The following TUNAR variants were observed in gnomAD, a reference collection of about 807,000 sequenced individuals.
TUNAR encodes the protein protein TUNAR.
At chr14:95,889,681 A>G (rs1889140294) in intron 2 of TUNAR, among the ~76,000 whole-genome samples, 1 of 151,738 alleles carries the variant, frequency 6.6e-6, no homozygotes, top group African/African-American at 2.4e-5. Flanking sequence ...TTAAGCAGAG[A>G]CTCATCTTCC....
chr14:95,911,380 C>G (rs975456148), intron 2 of TUNAR, among the ~76,000 whole-genome samples: 4 of 152,202 alleles, frequency 2.6e-5, no homozygotes, highest in African/African-American at 9.7e-5. Flanking sequence ...TGCCCTGGGC[C>G]CTCATCACCA....
intron 2 of TUNAR, among the ~76,000 whole-genome samples, chr14:95,880,381 C>A (rs1220587717): frequency 6.6e-6 from 1 of 152,148 alleles, no homozygotes; most frequent in African/African-American, 2.4e-5. Flanking sequence ...GAGGATGGAG[C>A]TTTGATCCAT....
At chr14:95,925,092 C>T (rs1054645726) in exon 3 of TUNAR, 2 of 152,234 alleles carry the variant, frequency 1.3e-5, no homozygotes. Context: ...TACTGTGTGC[C>T]CAGGCACTGT....
intron 2 of TUNAR, among the ~76,000 whole-genome samples, chr14:95,885,187 A>G (rs1373473004): frequency 6.6e-6 from 1 of 152,204 alleles, no homozygotes; most frequent in East Asian, 1.9e-4. Flanking sequence ...TTTGGGTCTG[A>G]CATTGCAGAT....
intron 2 of TUNAR, among the ~76,000 whole-genome samples, chr14:95,899,877 T>G (rs1488324490): frequency 2.6e-5 from 4 of 152,214 alleles, no homozygotes; most frequent in Non-Finnish European, 5.9e-5. Context: ...ATCATAGCAG[T>G]GCAAAATTAG....
At chr14:95,881,745 T>G (rs1888982616) in intron 2 of TUNAR, among the ~76,000 whole-genome samples, 1 of 152,228 alleles carries the variant, frequency 6.6e-6, no homozygotes. Flanking sequence ...GCTGTAAGTG[T>G]GCAGAGCTGG....
chr14:95,918,947 T>A (rs372532455), intron 2 of TUNAR, among the ~76,000 whole-genome samples: 1 of 152,150 alleles, frequency 6.6e-6, no homozygotes, highest in East Asian at 1.9e-4. Context: ...AAGTGCCTGC[T>A]CCATGCCCGG....
In TUNAR at chr14:95,877,119, GGCTGCGGCTCT is replaced by G. The variant is rs1888899299; in HGVS notation, c.-40_-30del. On this transcript the variant is annotated 5_prime_UTR_variant, in exon 2 of 3. Coordinates refer to ENST00000678517, the Ensembl canonical transcript of TUNAR. Reference sequence around the variant, plus strand: ...GCTCCGGCGCTCCGGGTCCGGGCCGGGCTGCGGCTCTGCTGCGTGCCCCGCGCGCCCCTCAA... The same window carrying G: ...GCTCCGGCGCTCCGGGTCCGGGCCGGGCTGCGTGCCCCGCGCGCCCCTCAA... The G allele has an allele frequency of 2.0e-5, 3 of 152,230 alleles. No homozygotes were observed. In the South Asian group the frequency reaches 6.2e-4, roughly 32 times the overall value. 9.4% of individuals were successfully genotyped at this position (152,230 alleles called of 1,614,324 possible).
At chr14:95,913,273 G>C (rs957238073) in intron 2 of TUNAR, among the ~76,000 whole-genome samples, 3 of 151,604 alleles carry the variant, frequency 2.0e-5, no homozygotes, top group Non-Finnish European at 4.4e-5. Flanking sequence ...TAGGTTTTAA[G>C]CCCCGCATGC....
At chr14:95,892,448 G>A (rs180875805) in intron 2 of TUNAR, among the ~76,000 whole-genome samples, 19 of 152,374 alleles carry the variant, frequency 1.2e-4, no homozygotes, top group Admixed American at 1.0e-3. Context: ...GGCCACCTCC[G>A]GCTGGATGTG....
chr14:95,894,770 TA>T (rs1889233401), intron 2 of TUNAR, among the ~76,000 whole-genome samples: 1 of 152,216 alleles, frequency 6.6e-6, no homozygotes, highest in South Asian at 2.1e-4. Context: ...CAAGAGATCT[TA>T]AAAGAAAGGA....
intron 2 of TUNAR, among the ~76,000 whole-genome samples, chr14:95,887,461 G>A (rs943784175): frequency 6.6e-6 from 1 of 152,216 alleles, no homozygotes; most frequent in Non-Finnish European, 1.5e-5. Context: ...GCTGATGACA[G>A]CTCTGCTGGC....
intron 2 of TUNAR, among the ~76,000 whole-genome samples, chr14:95,907,694 A>G (rs1033299858): frequency 1.3e-5 from 2 of 152,194 alleles, no homozygotes; most frequent in African/African-American, 4.8e-5. Context: ...TTGAGCGTAC[A>G]GCTCTCAGCA....
At chr14:95,886,261 C>T (rs946993338) in intron 2 of TUNAR, among the ~76,000 whole-genome samples, 1 of 152,194 alleles carries the variant, frequency 6.6e-6, no homozygotes, top group Admixed American at 6.5e-5. Context: ...GAGAGGGGGA[C>T]ATGGTCTGGA....
intron 2 of TUNAR, among the ~76,000 whole-genome samples, chr14:95,886,549 C>T (rs1454173580): frequency 2.0e-5 from 3 of 152,216 alleles, no homozygotes; most frequent in Non-Finnish European, 4.4e-5. Flanking sequence ...GGCTGACTGC[C>T]AGATGGTGCC....
chr14:95,919,398 C>T (rs957826213), intron 2 of TUNAR, among the ~76,000 whole-genome samples: 13 of 152,184 alleles, frequency 8.5e-5, no homozygotes, highest in Non-Finnish European at 1.5e-4. Flanking sequence ...GCAGTGTTTA[C>T]GGGGAAATGA....
At chr14:95,901,480 A>G (rs977784798) in intron 2 of TUNAR, among the ~76,000 whole-genome samples, 3 of 152,256 alleles carry the variant, frequency 2.0e-5, no homozygotes, top group African/African-American at 7.2e-5. Flanking sequence ...GTTAAGGGAC[A>G]GAGGCAGGAG....
At chr14:95,890,247 T>G (rs1889156437) in intron 2 of TUNAR, among the ~76,000 whole-genome samples, 2 of 152,218 alleles carry the variant, frequency 1.3e-5, no homozygotes, top group Admixed American at 1.3e-4. Flanking sequence ...CCAGGATGTT[T>G]TCCTTCCTCT....
chr14:95,908,273 C>G (rs1889455953), intron 2 of TUNAR, among the ~76,000 whole-genome samples: 1 of 152,222 alleles, frequency 6.6e-6, no homozygotes, highest in Admixed American at 6.5e-5. Context: ...CTTCCCAGGT[C>G]CCCAAGAGTG....
Sources: allele counts gnomAD v4.1 joint callset (sites outside exome capture counted in the v4.1 genomes callset), GRCh38; gene constraint gnomAD v4.1.1; transcripts MANE v1.5; gene names NCBI Gene and HGNC (gene_info 2026-07-23, HGNC 2026-07-21).